The following PBX3 variants were observed in gnomAD, a reference collection of about 807,000 sequenced individuals.
The protein encoded by PBX3 is pre-B-cell leukemia transcription factor 3.
A neutral mutation model predicts 48.5 loss-of-function variants in PBX3; 14 were observed. The ratio of observed to expected loss-of-function variants is 0.29; its 90% CI spans 0.19 to 0.45. The LOEUF is 0.45. Ranked by LOEUF, PBX3 falls within the 20% of genes least tolerant of loss-of-function variation. The pLI, the probability that PBX3 is intolerant of heterozygous loss-of-function variation, is 1.00. For missense variants in PBX3, 386 were observed against 546.7 expected (o/e 0.71, Z 2.93); for synonymous variants, 210 against 200.3 (o/e 1.05, Z -0.41).
chr9:125,887,060 TAAG>T (rs1256613717), intron 2 of PBX3, among the ~76,000 whole-genome samples: 3 of 152,308 alleles, frequency 2.0e-5, no homozygotes, highest in East Asian at 1.9e-4. Context: ...AATCTCATTT[TAAG>T]AAGAAGACAA....
At chr9:125,769,694 A>G (rs1220573870) in intron 2 of PBX3, among the ~76,000 whole-genome samples, 1 of 152,234 alleles carries the variant, frequency 6.6e-6, no homozygotes, top group East Asian at 1.9e-4. Context: ...GACTGCACAC[A>G]TAAAGGGAAA....
In PBX3 at chr9:125,904,025, G is replaced by C. The variant is rs1197548818; in HGVS notation, c.275-11661G>C. 2.0e-5 allele frequency among the ~76,000 whole-genome samples: 3 copies of C among 151,790 alleles called. No individual in the cohort carries two copies. The East Asian group carries it at 5.8e-4, about 29-fold the overall frequency. On this transcript the variant is annotated intron_variant, in intron 2 of 8. Coordinates refer to ENST00000373489, the MANE Select transcript of PBX3 (RefSeq NM_006195.6). ...TAATACAGGTAAAGTACTTTGAGTAGTGCCTAGCACACAGAAAGCTCTCAA... is the reference window on the plus strand; with the variant it reads ...TAATACAGGTAAAGTACTTTGAGTACTGCCTAGCACACAGAAAGCTCTCAA...
At chr9:125,942,706 C>T (rs900667226) in intron 5 of PBX3, among the ~76,000 whole-genome samples, 3 of 152,118 alleles carry the variant, frequency 2.0e-5, no homozygotes, top group Admixed American at 6.5e-5. Flanking sequence ...TTTGTTAAAA[C>T]GGTTCTTTCA....
At chr9:125,783,098 T>C (rs1406140551) in intron 2 of PBX3, among the ~76,000 whole-genome samples, 1 of 152,242 alleles carries the variant, frequency 6.6e-6, no homozygotes, top group Non-Finnish European at 1.5e-5. Flanking sequence ...TATCAAATTT[T>C]GGAAGCTTTC....
At chr9:125,779,862 G>A (rs1204457627) in intron 2 of PBX3, among the ~76,000 whole-genome samples, 452 of 116,644 alleles carry the variant, frequency 3.9e-3, no homozygotes, top group Non-Finnish European at 5.2e-3. Context: ...CTCACCTCCC[G>A]GACGGGGCGG....
chr9:125,790,585 T>C (rs1007929082), intron 2 of PBX3, among the ~76,000 whole-genome samples: 1 of 151,812 alleles, frequency 6.6e-6, no homozygotes, highest in Non-Finnish European at 1.5e-5. Context: ...TTTAATTTTT[T>C]TAAAACAGAG....
chr9:125,938,090 C>T (rs1841878640), intron 5 of PBX3, among the ~76,000 whole-genome samples: 1 of 152,108 alleles, frequency 6.6e-6, no homozygotes, highest in Non-Finnish European at 1.5e-5. Flanking sequence ...TGAAAACAGG[C>T]AACTGGAATA....
chr9:125,914,829 T>C (rs1000912074), intron 2 of PBX3, among the ~76,000 whole-genome samples: 7 of 152,226 alleles, frequency 4.6e-5, no homozygotes, highest in African/African-American at 1.7e-4. Flanking sequence ...ATTTTAAAAC[T>C]TTGTCTTCTG....
chr9:125,836,480 A>C (rs1588202463), intron 2 of PBX3, among the ~76,000 whole-genome samples: 1 of 152,142 alleles, frequency 6.6e-6, no homozygotes, highest in East Asian at 1.9e-4. Context: ...TTAGAGTAGA[A>C]TGATGGTTGC....
Position 125,889,120 on chromosome 9 carries a change from G to GACACCTT in PBX3, c.275-26564_275-26558dup, listed in dbSNP as rs147574068. 6.1e-4 allele frequency among the ~76,000 whole-genome samples: 93 copies of GACACCTT among 152,356 alleles called. 2 individuals are homozygous for GACACCTT. In the East Asian group the frequency reaches 0.013, roughly 22 times the overall value. On this transcript the variant is annotated intron_variant, in intron 2 of 8. Transcript: ENST00000373489. Reference sequence around the variant, plus strand: ...AAGTGGATAACAGCCCTATACACCAGACACCTTATTGCAAGGCTCTTAGCA... The same window carrying GACACCTT: ...AAGTGGATAACAGCCCTATACACCAGACACCTTACACCTTATTGCAAGGCTCTTAGCA...
chr9:125,759,825 G>A lies in PBX3; in HGVS notation c.274+11202G>A, dbSNP rs1357249228. On this transcript the variant is annotated intron_variant, in intron 2 of 8. Coordinates refer to ENST00000373489, the MANE Select transcript of PBX3 (RefSeq NM_006195.6). The surrounding 1 kb of genome is among the most constrained non-coding windows in gnomAD (Gnocchi z 4.2). ...AGGTTAATTGCAAAATTTCTAAATT[G>A]TACATCTGACTTGTTAATTAGGCAT... Among the ~76,000 whole-genome samples the A allele has an allele frequency of 6.6e-6, 1 of 152,188 alleles. No individual in the cohort carries two copies. The highest frequency in any genetic ancestry group is 2.4e-5 in the African/African-American group (1 of 41,440).
intron 2 of PBX3, among the ~76,000 whole-genome samples, chr9:125,899,683 A>G (rs1056570973): frequency 6.6e-6 from 1 of 151,498 alleles, no homozygotes; most frequent in Non-Finnish European, 1.5e-5. Context: ...CAAAGTTAGG[A>G]TTAGAGCAAG....
Position 125,967,025 on chromosome 9 carries a change from G to C in PBX3, c.*1102G>C, listed in dbSNP as rs780675660. On this transcript the variant is annotated 3_prime_UTR_variant, in exon 9 of 9. Transcript: ENST00000373489. ...TTGGGTCTTAATTCAACACAGGATC[G>C]GTAAAACTGTTGTAAATACTGAGAA... 6.6e-6 allele frequency: 1 copy of C among 152,006 alleles called. No individual in the cohort carries two copies. Among genetic ancestry groups the C allele is most frequent in the Non-Finnish European group, 1.5e-5 (1 of 67,974 alleles). The allele number at this position is 152,006 out of a possible 1,614,324, so 9.4% of individuals were successfully genotyped here. A position where few individuals can be genotyped will look rare whatever the true frequency, so the allele number is the denominator to read the frequency against.
chr9:125,923,197 C>A (rs1189487641), intron 3 of PBX3, among the ~76,000 whole-genome samples: 1 of 152,314 alleles, frequency 6.6e-6, no homozygotes, highest in African/African-American at 2.4e-5. Flanking sequence ...AAGTCTTTGG[C>A]TGCTCTTTAG....
chr9:125,856,670 G>A (rs1839732534), intron 2 of PBX3, among the ~76,000 whole-genome samples: 1 of 152,150 alleles, frequency 6.6e-6, no homozygotes, highest in African/African-American at 2.4e-5. Flanking sequence ...CATTGTTTCT[G>A]TCAGTTGTTT....
rs117456829 is a variant in PBX3 at position 125,826,898 on chromosome 9, C to G, written c.274+78275C>G. ...TTGGTAACATTTCAAGTTCTTTCTT[C>G]TAGCTACTTTGAAATATACCACACA... is the stretch of plus-strand genomic sequence containing the variant. On this transcript the variant is annotated intron_variant, in intron 2 of 8. Coordinates refer to ENST00000373489, the MANE Select transcript of PBX3 (RefSeq NM_006195.6). Among the ~76,000 whole-genome samples, 178 of 152,238 alleles carry G rather than the reference C, an allele frequency of 1.2e-3. 2 individuals are homozygous for G. In the East Asian group the frequency reaches 0.022, roughly 18 times the overall value.
At chr9:125,844,287 C>G (rs1407960836) in intron 2 of PBX3, among the ~76,000 whole-genome samples, 1 of 146,170 alleles carries the variant, frequency 6.8e-6, no homozygotes, top group Non-Finnish European at 1.5e-5. Flanking sequence ...AACAGAATGC[C>G]ACCTTTTTTT....
At chr9:125,830,107 TAG>T (rs1158877861) in intron 2 of PBX3, among the ~76,000 whole-genome samples, 2 of 152,198 alleles carry the variant, frequency 1.3e-5, no homozygotes, top group Non-Finnish European at 2.9e-5. Flanking sequence ...CTCAGCACTG[TAG>T]AGTTCAGTAT....
At chr9:125,820,311 G>A (rs1708812082) in intron 2 of PBX3, among the ~76,000 whole-genome samples, 2 of 152,128 alleles carry the variant, frequency 1.3e-5, no homozygotes, top group African/African-American at 4.8e-5. Flanking sequence ...ACTTGATACC[G>A]AGATTAAGGA....
Sources: allele counts gnomAD v4.1 joint callset (sites outside exome capture counted in the v4.1 genomes callset), GRCh38; gene constraint gnomAD v4.1.1; non-coding constraint Gnocchi (gnomAD v3.1); transcripts MANE v1.5; gene names NCBI Gene and HGNC (gene_info 2026-07-23, HGNC 2026-07-21).